Variants in CTNND2 observed in about 807,000 individuals in gnomAD.
The protein encoded by CTNND2 is catenin delta-2.
Under a neutral mutation model 144.4 loss-of-function variants are expected in CTNND2, and 22 were observed. The observed-to-expected ratio is 0.15, with a 90% CI of 0.11 to 0.22. CTNND2 has a LOEUF of 0.22. Among genes scored for constraint, CTNND2 ranks in the 10% least tolerant of loss-of-function variants. The pLI is 1.00. For missense variants in CTNND2, 1,353 were observed against 1,618.8 expected (o/e 0.84, Z 2.82); for synonymous variants, 751 against 695.6 (o/e 1.08, Z -1.25).
At chr5:11,213,079 A>G (rs1221893186) in intron 10 of CTNND2, among the ~76,000 whole-genome samples, 4 of 152,232 alleles carry the variant, frequency 2.6e-5, no homozygotes, top group African/African-American at 4.8e-5. Context: ...CTAGAAATTT[A>G]TAAGAAATTT....
intron 3 of CTNND2, among the ~76,000 whole-genome samples, chr5:11,521,069 C>A (rs970804308): frequency 6.6e-6 from 1 of 152,014 alleles, no homozygotes; most frequent in South Asian, 2.1e-4. Flanking sequence ...AGGGGTAATT[C>A]GAATTTTCAA....
intron 1 of CTNND2, among the ~76,000 whole-genome samples, chr5:11,884,105 A>C (rs1193918563): frequency 6.6e-6 from 1 of 151,706 alleles, no homozygotes; most frequent in Non-Finnish European, 1.5e-5. Flanking sequence ...GATTGCAAAA[A>C]TTTTCTCCCA....
intron 1 of CTNND2, among the ~76,000 whole-genome samples, chr5:11,831,432 G>A (rs1483309473): frequency 6.6e-6 from 1 of 151,896 alleles, no homozygotes; most frequent in African/African-American, 2.4e-5. Context: ...ACTTTAGGAG[G>A]CTGAGCCGGG....
chr5:11,019,701 T>C (rs1170627227), intron 17 of CTNND2, among the ~76,000 whole-genome samples: 2 of 152,222 alleles, frequency 1.3e-5, no homozygotes, highest in East Asian at 3.8e-4. Flanking sequence ...ATTGAAGGGC[T>C]TGGACAATTG....
intron 9 of CTNND2, among the ~76,000 whole-genome samples, chr5:11,265,666 CA>C (rs1483798985): frequency 1.3e-5 from 2 of 149,346 alleles, no homozygotes; most frequent in African/African-American, 4.9e-5. Flanking sequence ...AAATCAGTTG[CA>C]AATCACTCAG....
At chr5:11,540,913 A>T (rs1774670262) in intron 3 of CTNND2, among the ~76,000 whole-genome samples, 1 of 152,218 alleles carries the variant, frequency 6.6e-6, no homozygotes, top group African/African-American at 2.4e-5. Flanking sequence ...GCAGGGGTTG[A>T]GTGAATATTG....
chr5:11,888,439 T>C lies in CTNND2; in HGVS notation c.37+15378A>G, dbSNP rs115915253. On this transcript the variant is annotated intron_variant, in intron 1 of 21. Coordinates refer to ENST00000304623, the MANE Select transcript of CTNND2 (RefSeq NM_001332.4). Reference sequence around the variant, plus strand: ...TTCTTTCCAGCCTTGCCAACCTTAATCCAATCAATGGTTTCCCCCATGACC... The same window carrying C: ...TTCTTTCCAGCCTTGCCAACCTTAACCCAATCAATGGTTTCCCCCATGACC... 4.8e-3 allele frequency among the ~76,000 whole-genome samples: 733 copies of C among 152,240 alleles called. 8 individuals are homozygous for C. The highest frequency in any genetic ancestry group is 0.015 in the African/African-American group (621 of 41,546).
At chr5:10,994,162 T>A (rs1739019597) in intron 18 of CTNND2, among the ~76,000 whole-genome samples, 1 of 145,160 alleles carries the variant, frequency 6.9e-6, no homozygotes, top group Admixed American at 7.0e-5. Flanking sequence ...AAAAAACATA[T>A]TAATACTAAC....
chr5:11,703,786 T>C (rs530859522), intron 2 of CTNND2, among the ~76,000 whole-genome samples: 229 of 152,338 alleles, frequency 1.5e-3, no homozygotes, highest in African/African-American at 5.2e-3. Context: ...ATCTTGTATA[T>C]CTGCCAAATA....
At chr5:11,369,404 C>T (rs1421991463) in intron 7 of CTNND2, among the ~76,000 whole-genome samples, 8 of 152,208 alleles carry the variant, frequency 5.3e-5, no homozygotes, top group African/African-American at 7.2e-5. Context: ...TATGGCTCAC[C>T]GCCTTGTGTC....
intron 2 of CTNND2, among the ~76,000 whole-genome samples, chr5:11,571,074 T>C (rs1204039837): frequency 6.6e-6 from 1 of 152,242 alleles, no homozygotes; most frequent in Non-Finnish European, 1.5e-5. Context: ...AATATTTCTT[T>C]TAATTTGCAT....
intron 9 of CTNND2, among the ~76,000 whole-genome samples, chr5:11,289,561 T>G (rs1212616549): frequency 6.6e-6 from 1 of 152,230 alleles, no homozygotes; most frequent in Admixed American, 6.5e-5. Context: ...CAGAGCCAAC[T>G]GCTCAGACAT....
chr5:11,436,370 A>G (rs564737674), intron 3 of CTNND2, among the ~76,000 whole-genome samples: 2 of 152,354 alleles, frequency 1.3e-5, no homozygotes, highest in South Asian at 4.1e-4. Flanking sequence ...CTCAATGAGG[A>G]AGAACCTTCT....
intron 2 of CTNND2, among the ~76,000 whole-genome samples, chr5:11,711,786 T>C (rs1282194459): frequency 6.6e-6 from 1 of 152,250 alleles, no homozygotes; most frequent in Non-Finnish European, 1.5e-5. Flanking sequence ...CTTTGCCACA[T>C]ACTAGCCACA....
intron 12 of CTNND2, among the ~76,000 whole-genome samples, chr5:11,144,682 T>C (rs530267285): frequency 2.8e-4 from 42 of 152,154 alleles, no homozygotes; most frequent in African/African-American, 9.2e-4. Flanking sequence ...AGAAGCTGTA[T>C]TTCTCTCAAG....
intron 2 of CTNND2, among the ~76,000 whole-genome samples, chr5:11,617,871 C>T (rs561105976): frequency 7.2e-5 from 11 of 152,294 alleles, no homozygotes; most frequent in East Asian, 3.9e-4. Context: ...TGCCTCTTTT[C>T]TCAGTCTGAT....
intron 19 of CTNND2, among the ~76,000 whole-genome samples, chr5:10,991,244 G>A (rs574456223): frequency 3.9e-5 from 6 of 152,296 alleles, no homozygotes; most frequent in South Asian, 2.1e-4. Flanking sequence ...AAAGTCTGGC[G>A]TGGAGTTCTG....
chr5:11,738,321 G>C (rs560452423), intron 1 of CTNND2, among the ~76,000 whole-genome samples: 1 of 152,170 alleles, frequency 6.6e-6, no homozygotes. Context: ...AAATTGGCCT[G>C]CATAACAATA....
At chr5:11,386,463 A>C (rs916837489) in intron 6 of CTNND2, among the ~76,000 whole-genome samples, 1 of 152,218 alleles carries the variant, frequency 6.6e-6, no homozygotes, top group African/African-American at 2.4e-5. Context: ...TTCACTGCAC[A>C]TACACAGGCA....
Sources: gnomAD v4.1 joint callset for allele counts (sites outside exome capture counted in the v4.1 genomes callset) on GRCh38, gnomAD v4.1.1 for gene constraint, MANE v1.5 for transcripts, NCBI Gene and HGNC (gene_info 2026-07-23, HGNC 2026-07-21) for gene names.